Variants in RAPGEF5 observed in about 807,000 individuals in gnomAD.
The protein encoded by RAPGEF5 is Rap guanine nucleotide exchange factor 5.
RAPGEF5 carries 65 observed loss-of-function variants against 125.2 expected under a neutral mutation model. That is an observed-to-expected ratio of 0.52 (90% confidence interval 0.43 to 0.64). The LOEUF (loss-of-function observed/expected upper bound fraction) is 0.64, where lower values mean the gene tolerates loss of function less well. RAPGEF5 is among the 30% of genes least tolerant of loss of function. The pLI, the probability that RAPGEF5 is intolerant of heterozygous loss-of-function variation, is 0.00. For synonymous variants in RAPGEF5, 391 were observed against 385.9 expected (o/e 1.01, Z -0.16); for missense variants, 958 against 1,048.1 (o/e 0.91, Z 1.19).
chr7:22,170,334 C>T (rs866407136), intron 11 of RAPGEF5, among the ~76,000 whole-genome samples: 6 of 152,128 alleles, frequency 3.9e-5, no homozygotes, highest in South Asian at 2.1e-4. Context: ...GGATTACGGG[C>T]GTGAGCCACT....
chr7:22,130,182 A>G (rs916377482), intron 24 of RAPGEF5, among the ~76,000 whole-genome samples: 2 of 152,230 alleles, frequency 1.3e-5, no homozygotes, highest in African/African-American at 4.8e-5. Context: ...TTAACCATGA[A>G]GGACAGTTTA....
chr7:22,133,442 G>A (rs1369591414), intron 23 of RAPGEF5, among the ~76,000 whole-genome samples: 1 of 152,128 alleles, frequency 6.6e-6, no homozygotes. Context: ...GCAGTTTTGG[G>A]GTATGAGAAA....
intron 11 of RAPGEF5, among the ~76,000 whole-genome samples, chr7:22,183,586 T>C (rs1344770838): frequency 1.3e-5 from 2 of 152,138 alleles, no homozygotes; most frequent in Non-Finnish European, 2.9e-5. Context: ...AAACAACATA[T>C]GCAAATATGA....
intron 25 of RAPGEF5, chr7:22,125,387 T>C (rs1782705867): frequency 4.1e-6 from 2 of 484,370 alleles, no homozygotes; most frequent in East Asian, 7.4e-5. Context: ...CTTGCTGCCA[T>C]GAGGGGATAA....
intron 7 of RAPGEF5, among the ~76,000 whole-genome samples, chr7:22,265,878 T>A (rs1934442895): frequency 1.3e-5 from 2 of 152,172 alleles, no homozygotes; most frequent in Non-Finnish European, 2.9e-5. Context: ...GCAAATATAA[T>A]GCTGTTCACT....
At chr7:22,243,930 T>A (rs1208719904) in intron 7 of RAPGEF5, among the ~76,000 whole-genome samples, 1 of 152,188 alleles carries the variant, frequency 6.6e-6, no homozygotes. Flanking sequence ...TCCCCAGTCC[T>A]CTCCTACTGC....
intron 9 of RAPGEF5, among the ~76,000 whole-genome samples, chr7:22,219,176 C>A (rs12534599): frequency 0.15 from 23,517 of 152,008 alleles, 1,904 homozygotes; most frequent in Admixed American, 0.2. Context: ...ACAACCAAGT[C>A]AACAGATAAC....
intron 21 of RAPGEF5, among the ~76,000 whole-genome samples, chr7:22,139,154 G>C (rs923084815): frequency 1.3e-5 from 2 of 152,126 alleles, no homozygotes; most frequent in Non-Finnish European, 2.9e-5. Context: ...TCTCTTGTAG[G>C]AGTTTGAGTT....
intron 1 of RAPGEF5, among the ~76,000 whole-genome samples, chr7:22,352,017 T>A (rs1389153715): frequency 6.6e-6 from 1 of 152,022 alleles, no homozygotes; most frequent in East Asian, 1.9e-4. Context: ...TAGTGAAGGG[T>A]GGTTAAAGAG....
intron 8 of RAPGEF5, among the ~76,000 whole-genome samples, chr7:22,230,086 C>G (rs757297857): frequency 6.6e-6 from 1 of 152,002 alleles, no homozygotes. Context: ...ATTTAGAAAC[C>G]CTTGTCCCAC....
intron 11 of RAPGEF5, chr7:22,193,080 C>T: frequency 2.0e-6 from 1 of 497,606 alleles, no homozygotes; most frequent in Non-Finnish European, 3.6e-6. Flanking sequence ...TGGTCTCTTG[C>T]CAACTGCCTT....
rs186524269 is a variant in RAPGEF5 at position 22,122,203 on chromosome 7, G to A, written c.*203C>T. Reference sequence around the variant, plus strand: ...GACTCTCCTTCTGCCTTCTTGTCCCGAGAGTAGCATGGAGAAACCTCTCCC... The same window carrying A: ...GACTCTCCTTCTGCCTTCTTGTCCCAAGAGTAGCATGGAGAAACCTCTCCC... On this transcript the variant is annotated 3_prime_UTR_variant, in exon 26 of 26. Transcript: ENST00000665637. 6.3e-4 allele frequency: 325 copies of A among 518,338 alleles called. 1 individual carries two copies. The highest frequency in any genetic ancestry group is 4.0e-4 in the Non-Finnish European group (115 of 287,414). The allele number at this position is 518,338 out of a possible 1,614,324, so 32.1% of individuals were successfully genotyped here.
intron 17 of RAPGEF5, among the ~76,000 whole-genome samples, chr7:22,152,948 A>G (rs1050550365): frequency 2.6e-5 from 4 of 152,236 alleles, no homozygotes; most frequent in African/African-American, 7.2e-5. Flanking sequence ...CAATGGGTCT[A>G]TAGACATTAC....
At chr7:22,308,675 G>A (rs75109304) in intron 4 of RAPGEF5, among the ~76,000 whole-genome samples, 168 bp from the exon 5 acceptor site, 1 of 152,148 alleles carries the variant, frequency 6.6e-6, no homozygotes, top group African/African-American at 2.4e-5. Context: ...AATTGGAAAG[G>A]ACTTACTGAC....
Position 22,122,457 on chromosome 7 carries a change from G to A in RAPGEF5, c.2601C>T (p.Asp867=). 6.2e-7 allele frequency: 1 copy of A among 1,613,952 alleles called. No homozygotes were observed. Among genetic ancestry groups the A allele is most frequent in the Non-Finnish European group, 8.5e-7 (1 of 1,179,860 alleles). The part of the protein sequence containing the change: ...KSYVNHLYVI[D]SQQALFELSH... Reference sequence around the variant, plus strand: ...AGAGCTCAAACAGAGCCTGCTGGCTGTCAATGACATACAGGTGATTAACAT... The same window carrying A: ...AGAGCTCAAACAGAGCCTGCTGGCTATCAATGACATACAGGTGATTAACAT... Residue 867 remains aspartate, a synonymous_variant, in exon 26 of 26, where the codon GAC becomes GAT. Coordinates refer to ENST00000665637, the MANE Select transcript of RAPGEF5 (RefSeq NM_012294.5).
At chr7:22,287,403 C>A (rs756054158) in intron 6 of RAPGEF5, among the ~76,000 whole-genome samples, 1 of 152,176 alleles carries the variant, frequency 6.6e-6, no homozygotes, top group Non-Finnish European at 1.5e-5. Context: ...GATGACAGGA[C>A]TTTTCCTCCT....
intron 7 of RAPGEF5, among the ~76,000 whole-genome samples, chr7:22,246,111 T>G (rs1251589603): frequency 6.6e-6 from 1 of 152,028 alleles, no homozygotes; most frequent in Non-Finnish European, 1.5e-5. Flanking sequence ...TGGAAAAACA[T>G]GGATTGGAAG....
At chr7:22,234,200 T>C (rs1281145955) in intron 7 of RAPGEF5, among the ~76,000 whole-genome samples, 1 of 152,222 alleles carries the variant, frequency 6.6e-6, no homozygotes, top group East Asian at 1.9e-4. Flanking sequence ...GTTGACCCTT[T>C]AGTTCATAGA....
chr7:22,226,577 T>C (rs972864579), intron 8 of RAPGEF5, among the ~76,000 whole-genome samples: 1 of 152,156 alleles, frequency 6.6e-6, no homozygotes, highest in Non-Finnish European at 1.5e-5. Flanking sequence ...ATATGCCCCC[T>C]TGAGAATTGG....
Sources: allele counts gnomAD v4.1 joint callset (sites outside exome capture counted in the v4.1 genomes callset), GRCh38; gene constraint gnomAD v4.1.1; transcripts MANE v1.5; gene names NCBI Gene and HGNC (gene_info 2026-07-23, HGNC 2026-07-21).